Variants in WASHC5 observed in about 807,000 individuals in gnomAD.
WASHC5 encodes WASH complex subunit 5.
A neutral mutation model predicts 150.4 loss-of-function variants in WASHC5; 101 were observed. That is an observed-to-expected ratio of 0.67 (90% CI 0.57 to 0.79). WASHC5 has a LOEUF of 0.79. WASHC5 is among the 30% of genes least tolerant of loss of function. The pLI is 0.00. For missense variants in WASHC5, 1,195 were observed against 1,396.3 expected (o/e 0.86, Z 2.30); for synonymous variants, 467 against 491.2 (o/e 0.95, Z 0.65).
chr8:125,069,067 T>A (rs190000690), intron 9 of WASHC5, among the ~76,000 whole-genome samples: 1 of 152,334 alleles, frequency 6.6e-6, no homozygotes, highest in Admixed American at 6.5e-5. Context: ...TTGGTTGCCA[T>A]TGTGTCAGCG....
chr8:125,090,843 G>C (rs1006801777), intron 1 of WASHC5, among the ~76,000 whole-genome samples: 1 of 152,124 alleles, frequency 6.6e-6, no homozygotes, highest in Non-Finnish European at 1.5e-5. Flanking sequence ...AAAATATAAC[G>C]GTTGCTGATC....
chr8:125,076,629 C>T (rs1239268339), intron 6 of WASHC5, 129 bp from the exon 7 acceptor site: 1 of 988,838 alleles, frequency 1.0e-6, no homozygotes, highest in Non-Finnish European at 1.5e-6. Context: ...GGATCCTGGA[C>T]ACTGGAAGCC....
intron 28 of WASHC5, among the ~76,000 whole-genome samples, chr8:125,025,858 A>ACACACACACACACACACAC (rs10705586): frequency 5.9e-5 from 9 of 151,696 alleles, no homozygotes; most frequent in Admixed American, 2.6e-4. Flanking sequence ...ACACACACAC[A>ACACACACACACACACACAC]ATCAAAATTA....
At chr8:125,068,685 C>T (rs1198978968) in intron 9 of WASHC5, among the ~76,000 whole-genome samples, 3 of 152,162 alleles carry the variant, frequency 2.0e-5, no homozygotes, top group African/African-American at 7.2e-5. Context: ...GACCCCCAAA[C>T]AAGAAGCAGC....
chr8:125,065,338 T>C (rs1816716166), intron 10 of WASHC5, among the ~76,000 whole-genome samples: 1 of 152,120 alleles, frequency 6.6e-6, no homozygotes, highest in Non-Finnish European at 1.5e-5. Flanking sequence ...TTTTTTTTTC[T>C]TTTTACCAGA....
chr8:125,051,877 T>C (rs1010046675), intron 17 of WASHC5, among the ~76,000 whole-genome samples: 3 of 152,090 alleles, frequency 2.0e-5, no homozygotes, highest in Non-Finnish European at 2.9e-5. Flanking sequence ...AGTGAAACTC[T>C]GTCTCAAAAA....
chr8:125,032,960 T>C (rs1815585098), intron 26 of WASHC5, among the ~76,000 whole-genome samples: 1 of 151,972 alleles, frequency 6.6e-6, no homozygotes, highest in African/African-American at 2.4e-5. Context: ...CTTGCTATGT[T>C]GCCCAGGCTG....
At chr8:125,079,110 G>GTATATATA (rs1451588894) in intron 5 of WASHC5, among the ~76,000 whole-genome samples, 180 bp from the exon 6 acceptor site, 1 of 48,768 alleles carries the variant, frequency 2.1e-5, no homozygotes, top group African/African-American at 7.5e-5. Context: ...ATATGTGTGT[G>GTATATATA]TGTGTGTATA....
In WASHC5 at chr8:125,056,637, T is replaced by A. The variant is rs118088197; in HGVS notation, c.2016+40A>T. 3,253 of 1,613,238 alleles carry A rather than the reference T, an allele frequency of 2.0e-3. 75 individuals are homozygous for A. The East Asian group carries it at 0.051, about 25-fold the overall frequency. ...GCCTGTGATATTTCATGACTGTTAG[T>A]TTTTAATATGAAAAGGCAGAAGTCA... is the stretch of plus-strand genomic sequence containing the variant. On this transcript the variant is annotated intron_variant, in intron 16 of 28. Transcript: ENST00000318410.
At chr8:125,070,862 A>AC (rs1302950310) in intron 9 of WASHC5, among the ~76,000 whole-genome samples, 1 of 152,218 alleles carries the variant, frequency 6.6e-6, no homozygotes, top group Admixed American at 6.5e-5. Flanking sequence ...GAAACTCCAC[A>AC]CATTTTCAAA....
chr8:125,041,568 G>C (rs541901714), intron 23 of WASHC5, among the ~76,000 whole-genome samples: 4 of 152,212 alleles, frequency 2.6e-5, no homozygotes, highest in Non-Finnish European at 5.9e-5. Context: ...TTGAACCCAG[G>C]AGGTAGAGGT....
At chr8:125,062,187 T>C (rs182920148) in intron 11 of WASHC5, among the ~76,000 whole-genome samples, 66 of 152,258 alleles carry the variant, frequency 4.3e-4, no homozygotes, top group African/African-American at 1.5e-3. Context: ...GGGTCTGAGA[T>C]GAGTGAGACC....
chr8:125,078,874 C>T lies in WASHC5; in HGVS notation c.575G>A (p.Ser192Asn), dbSNP rs1391012034. The change falls in exon 6 of 29, where the codon AGT becomes AAT. Residue 192 changes from serine to asparagine, a missense_variant. Around this residue, in one of 3 missense-constraint regions of WASHC5, gnomAD observed 3 missense variants for 21.3 expected, o/e 0.14. Transcript: ENST00000318410. ...NMDDICKLLR[S>N]TGYSSQPGAK... ...ACCTGGTTGGCTAGAATAACCTGTA[C>T]TTCGAAGCAGCTTACAAATATCGTC... 1 of 1,613,952 alleles carries T rather than the reference C, an allele frequency of 6.2e-7. No homozygotes were observed. Among genetic ancestry groups the T allele is most frequent in the Non-Finnish European group, 8.5e-7 (1 of 1,179,946 alleles).
chr8:125,056,854 T>C (rs1422296289), intron 15 of WASHC5, 37 bp from the exon 16 acceptor site: 3 of 1,613,696 alleles, frequency 1.9e-6, no homozygotes, highest in East Asian at 4.5e-5. Context: ...GCAATGAACA[T>C]CTGTTTTACT....
At chr8:125,088,776 G>A (rs114574022) in intron 1 of WASHC5, among the ~76,000 whole-genome samples, 4,040 of 152,216 alleles carry the variant, frequency 0.027, 186 homozygotes, top group African/African-American at 0.093. Flanking sequence ...GACCATAGAT[G>A]CTATAAAGCT....
intron 17 of WASHC5, among the ~76,000 whole-genome samples, chr8:125,054,041 G>A (rs1816330371): frequency 6.6e-6 from 1 of 152,150 alleles, no homozygotes; most frequent in Non-Finnish European, 1.5e-5. Context: ...ATACACCACG[G>A]TGCATTCGTA....
chr8:125,077,158 G>A (rs11996035), intron 6 of WASHC5, among the ~76,000 whole-genome samples: 1 of 152,094 alleles, frequency 6.6e-6, no homozygotes, highest in African/African-American at 2.4e-5. Context: ...ATATCACCTT[G>A]AGCTACCACA....
At chr8:125,066,154 G>A (rs555778276) in intron 10 of WASHC5, among the ~76,000 whole-genome samples, 172 of 152,128 alleles carry the variant, frequency 1.1e-3, no homozygotes, top group Non-Finnish European at 1.4e-3. Flanking sequence ...CTATTCAGAG[G>A]GAAACCATTA....
intron 26 of WASHC5, chr8:125,032,821 A>C: frequency 4.4e-6 from 1 of 226,674 alleles, no homozygotes; most frequent in Non-Finnish European, 8.9e-6. Flanking sequence ...TCTTTAAACA[A>C]ATGTTGAGTA....
Sources: allele counts gnomAD v4.1 joint callset (sites outside exome capture counted in the v4.1 genomes callset), GRCh38; gene constraint gnomAD v4.1.1; regional missense constraint gnomAD v4.1.1; transcripts MANE v1.5; gene names NCBI Gene and HGNC (gene_info 2026-07-23, HGNC 2026-07-21).